PGR: variants seen among roughly 807,000 people sequenced by gnomAD.
The protein encoded by PGR is progesterone receptor.
Under a neutral mutation model 76.1 loss-of-function variants are expected in PGR, and 25 were observed. The ratio of observed to expected loss-of-function variants is 0.33; its 90% CI spans 0.24 to 0.46. PGR has a LOEUF of 0.46. Among genes scored for constraint, PGR ranks in the 20% least tolerant of loss-of-function variants. The pLI is 1.00. For synonymous variants in PGR, 579 were observed against 535.0 expected (o/e 1.08, Z -1.14); for missense variants, 1,172 against 1,225.3 (o/e 0.96, Z 0.65).
At chr11:101,042,794 A>G (rs1859737156) in intron 6 of PGR, among the ~76,000 whole-genome samples, 1 of 152,204 alleles carries the variant, frequency 6.6e-6, no homozygotes, top group Admixed American at 6.5e-5. Flanking sequence ...TTCCCAGTCC[A>G]CGTAGAAGTT....
At chr11:101,074,966 A>C (rs1209172200) in intron 3 of PGR, among the ~76,000 whole-genome samples, 1 of 152,216 alleles carries the variant, frequency 6.6e-6, no homozygotes. Context: ...AGAATTAGAA[A>C]AAACTACTTT....
intron 2 of PGR, among the ~76,000 whole-genome samples, chr11:101,100,198 C>A (rs1565358419): frequency 6.6e-6 from 1 of 152,082 alleles, no homozygotes; most frequent in Non-Finnish European, 1.5e-5. Flanking sequence ...CCCCCATGCT[C>A]TTCTCGTGAT....
At chr11:101,039,293 AG>A (rs1859616952) in intron 7 of PGR, 22 bp from the exon 8 acceptor site, 1 of 1,562,638 alleles carries the variant, frequency 6.4e-7, no homozygotes. Context: ...ACAAATGAGT[AG>A]AAAACATGTA....
intron 3 of PGR, among the ~76,000 whole-genome samples, chr11:101,088,394 C>T (rs538953224): frequency 3.4e-4 from 52 of 152,208 alleles, no homozygotes; most frequent in African/African-American, 1.0e-3. Context: ...TGCAGTGGCG[C>T]GAACTCAGCT....
chr11:101,127,592 G>A lies in PGR; in HGVS notation c.1479C>T (p.Asp493=), dbSNP rs375446843. The change falls in exon 1 of 8, where the codon GAC becomes GAT. Residue 493 remains aspartate, a synonymous_variant. Coordinates refer to ENST00000325455, the MANE Select transcript of PGR (RefSeq NM_000926.4). ...PGASGCLLPR[D]GLPSTSASAA... ...CAGAGGCGGAGGTGGAGGGCAGGCC[G>A]TCCCGCGGGAGCAGGCAGCCGCTCG... 6 of 1,307,612 alleles carry A rather than the reference G, an allele frequency of 4.6e-6. No homozygotes were observed. In the East Asian group the frequency reaches 1.9e-4, roughly 41 times the overall value. The allele number at this position is 1,307,612 out of a possible 1,614,324, so 81.0% of individuals were successfully genotyped here. A position where few individuals can be genotyped will look rare whatever the true frequency, so the allele number is the denominator to read the frequency against.
intron 3 of PGR, among the ~76,000 whole-genome samples, chr11:101,072,953 C>T (rs1174283960): frequency 1.3e-5 from 2 of 152,200 alleles, no homozygotes; most frequent in Non-Finnish European, 2.9e-5. Flanking sequence ...GACTTGAACT[C>T]AGGCTCTGGA....
At position 101,037,794 on chromosome 11, in the gene PGR, C is replaced by T. The variant is rs11571279; in HGVS notation, c.*1322G>A. The T allele has an allele frequency of 1.3e-4, 30 of 224,942 alleles. No homozygotes were observed. In the South Asian group the frequency reaches 2.2e-3, roughly 16 times the overall value. The allele number at this position is 224,942 out of a possible 1,614,324, so 13.9% of individuals were successfully genotyped here. A position where few individuals can be genotyped will look rare whatever the true frequency, so the allele number is the denominator to read the frequency against. On this transcript the variant is annotated 3_prime_UTR_variant, in exon 8 of 8. Transcript: ENST00000325455. ...TGCAGAAATGTAACCAAAGAATGAT[C>T]GAAATCTACAGTAATACCAAGACAG...
At chr11:101,057,401 G>C (rs937508703) in intron 4 of PGR, among the ~76,000 whole-genome samples, 3 of 152,120 alleles carry the variant, frequency 2.0e-5, no homozygotes, top group Non-Finnish European at 4.4e-5. Context: ...AATGATGAGA[G>C]ATTAACACTG....
intron 3 of PGR, among the ~76,000 whole-genome samples, chr11:101,078,111 A>C (rs1861183423): frequency 6.6e-6 from 1 of 152,138 alleles, no homozygotes; most frequent in African/African-American, 2.4e-5. Context: ...AAAAACAACA[A>C]AAATCTTTAC....
intron 6 of PGR, among the ~76,000 whole-genome samples, chr11:101,049,366 A>G (rs554572794): frequency 3.3e-5 from 5 of 152,330 alleles, no homozygotes; most frequent in South Asian, 2.1e-4. Context: ...AGAAAAGTAT[A>G]CTACAGTAAA....
intron 6 of PGR, among the ~76,000 whole-genome samples, chr11:101,043,924 G>A (rs553632200): frequency 5.9e-5 from 9 of 152,176 alleles, no homozygotes; most frequent in Non-Finnish European, 1.2e-4. Flanking sequence ...AACAGATTGA[G>A]CGTAATTCTT....
intron 3 of PGR, among the ~76,000 whole-genome samples, chr11:101,089,140 A>G (rs1164319107): frequency 6.6e-6 from 1 of 152,182 alleles, no homozygotes; most frequent in Non-Finnish European, 1.5e-5. Flanking sequence ...CAATATACCC[A>G]GGTAACAAAC....
At chr11:101,107,501 C>G (rs1331244863) in intron 2 of PGR, among the ~76,000 whole-genome samples, 1 of 152,080 alleles carries the variant, frequency 6.6e-6, no homozygotes, top group East Asian at 1.9e-4. Flanking sequence ...ATGTAAGGAA[C>G]TACACATTAC....
At position 101,042,005 on chromosome 11, in the gene PGR, T is replaced by C. The variant is rs2020878; in HGVS notation, c.2586A>G (p.Gly862=). 1,036 of 1,613,620 alleles carry C rather than the reference T, an allele frequency of 6.4e-4. 1 individual carries two copies. The highest frequency in any genetic ancestry group is 8.2e-4 in the Non-Finnish European group (964 of 1,179,692). Residue 862 remains glycine, a synonymous_variant, in exon 7 of 8, where the codon GGA becomes GGG. Transcript: ENST00000325455. ...AGAAACGCTGTGAGCTCGACACAAC[T>C]CCTTTTTGCCTCAAACCAATTGCCT... ...LIKAIGLRQK[G]VVSSSQRFYQ...
At position 101,128,456 on chromosome 11, in the gene PGR, C is replaced by G. The variant is rs2135516785; in HGVS notation, c.615G>C (p.Trp205Cys). Residue 205 changes from tryptophan (W) to cysteine (C), a missense_variant, in exon 1 of 8, where the codon TGG (tryptophan) becomes TGC (cysteine). Transcript: ENST00000325455. The part of the protein sequence containing the change: ...LLLPASESPH[W>C]SGAPVKPSPQ... Reference sequence around the variant, plus strand: ...GAGACGGCTTCACTGGGGCCCCGGACCAGTGAGGGCTCTCAGAGGCCGGGA... The same window carrying G: ...GAGACGGCTTCACTGGGGCCCCGGAGCAGTGAGGGCTCTCAGAGGCCGGGA... The G allele has an allele frequency of 6.2e-7, 1 of 1,609,614 alleles. No individual in the cohort carries two copies. The highest frequency in any genetic ancestry group is 1.1e-5 in the South Asian group (1 of 91,022).
chr11:101,128,582 CG>C lies in PGR; in HGVS notation c.488del (p.Pro163ArgfsTer3). ...CCTTGCACCCGGACCGGCTCATGAGCGGGGACAACACCCGCTGGGTGGCGGG... is the reference window on the plus strand; with the variant it reads ...CCTTGCACCCGGACCGGCTCATGAGCGGGACAACACCCGCTGGGTGGCGGG... ...AAPATQRVLS[P>X]LMSRSGCKVG... On this transcript the variant is annotated frameshift_variant, in exon 1 of 8. Transcript: ENST00000325455. LOFTEE classifies it high-confidence loss of function. 6.3e-7 allele frequency: 1 copy of C among 1,595,738 alleles called. No homozygotes were observed. The highest frequency in any genetic ancestry group is 8.5e-7 in the Non-Finnish European group (1 of 1,173,818).
At position 101,127,980 on chromosome 11, in the gene PGR, G is replaced by C; in HGVS notation, c.1091C>G (p.Pro364Arg). ...GTCGTCCTTGGGCTCGGCGTCGGGCGGGTACGCGCAGTCGGGGAAGTCGCC... is the reference window on the plus strand; with the variant it reads ...GTCGTCCTTGGGCTCGGCGTCGGGCCGGTACGCGCAGTCGGGGAAGTCGCC... Reference protein sequence around the residue: ...AVGDFPDCAYPPDAEPKDDAY... With the variant: ...AVGDFPDCAYRPDAEPKDDAY... Residue 364 changes from proline to arginine, a missense_variant, in exon 1 of 8, where the codon CCG becomes CGG. By Grantham distance (103) the Pro-to-Arg change is moderately radical. Around this residue, in one of 4 missense-constraint regions of PGR, gnomAD observed 893 missense variants for 785.9 expected, o/e 1.14. Coordinates refer to ENST00000325455, the MANE Select transcript of PGR (RefSeq NM_000926.4). 6.2e-7 allele frequency: 1 copy of C among 1,612,038 alleles called. No individual in the cohort carries two copies. The highest frequency in any genetic ancestry group is 8.5e-7 in the Non-Finnish European group (1 of 1,179,864).
chr11:101,085,524 C>CAAAAAAAAAAAA (rs1861463966), intron 3 of PGR, among the ~76,000 whole-genome samples: 1 of 14,306 alleles, frequency 7.0e-5, no homozygotes, highest in Non-Finnish European at 1.5e-4. Flanking sequence ...CCTAGAGGAA[C>CAAAAAAAAAAAA]TAAAAAAAAA....
chr11:101,068,129 G>A (rs477151), intron 3 of PGR, among the ~76,000 whole-genome samples: 110,982 of 152,064 alleles, frequency 0.73, 40,830 homozygotes, highest in East Asian at 0.99. Context: ...TTTGCTTTAT[G>A]TGCATTTTTT....
Sources: gnomAD v4.1 joint callset for allele counts (sites outside exome capture counted in the v4.1 genomes callset) on GRCh38, gnomAD v4.1.1 for gene constraint, gnomAD v4.1.1 regional missense constraint, MANE v1.5 for transcripts, NCBI Gene and HGNC (gene_info 2026-07-23, HGNC 2026-07-21) for gene names.